RBFOX1: variants seen among roughly 807,000 people sequenced by gnomAD.
RBFOX1 encodes RNA binding fox-1 homolog 1, also known as RNA binding protein fox-1 homolog 1.
A neutral mutation model predicts 57.7 loss-of-function variants in RBFOX1; 8 were observed. That is an observed-to-expected ratio of 0.14 (90% confidence interval 0.08 to 0.25). The LOEUF is 0.25. RBFOX1 is among the 10% of genes least tolerant of loss of function. RBFOX1 has a pLI of 1.00. For synonymous variants in RBFOX1, 326 were observed against 222.4 expected (o/e 1.47, Z -4.15); for missense variants, 611 against 548.5 (o/e 1.11, Z -1.14).
At chr16:5,834,474 A>G (rs576559076) in intron 3 of RBFOX1, among the ~76,000 whole-genome samples, 19 of 152,278 alleles carry the variant, frequency 1.2e-4, no homozygotes, top group African/African-American at 4.3e-4. Flanking sequence ...GCACACATAT[A>G]TACCACATTT....
chr16:7,400,723 C>T (rs535799942), intron 4 of RBFOX1, among the ~76,000 whole-genome samples: 1 of 152,262 alleles, frequency 6.6e-6, no homozygotes, highest in Admixed American at 6.5e-5. Flanking sequence ...CTGCAAAGCA[C>T]AGTGGATGAA....
chr16:5,891,997 G>T (rs936277591), intron 4 of RBFOX1, among the ~76,000 whole-genome samples: 2 of 152,208 alleles, frequency 1.3e-5, no homozygotes, highest in African/African-American at 4.8e-5. Context: ...GGGTATCGGG[G>T]AGAGGGTGAA....
intron 3 of RBFOX1, among the ~76,000 whole-genome samples, chr16:5,845,313 C>A (rs1228827170): frequency 6.6e-6 from 1 of 152,182 alleles, no homozygotes. Flanking sequence ...TTCTTCTGGA[C>A]CAATTACCCA....
chr16:6,934,092 A>C (rs1436397533), intron 3 of RBFOX1, among the ~76,000 whole-genome samples: 3 of 152,106 alleles, frequency 2.0e-5, no homozygotes, highest in Non-Finnish European at 4.4e-5. Context: ...AGCATTTCAG[A>C]GGTAGTTGGC....
At chr16:7,133,721 T>C (rs925001346) in intron 4 of RBFOX1, among the ~76,000 whole-genome samples, 1 of 152,214 alleles carries the variant, frequency 6.6e-6, no homozygotes, top group Non-Finnish European at 1.5e-5. Flanking sequence ...GAGTTCTGCT[T>C]ATAGTTTCTT....
intron 4 of RBFOX1, among the ~76,000 whole-genome samples, chr16:7,385,292 G>A (rs577112667): frequency 2.6e-4 from 40 of 152,350 alleles, no homozygotes; most frequent in African/African-American, 9.1e-4. Context: ...TTAGGAAGCT[G>A]TCTGGGAGTC....
chr16:6,048,725 T>C (rs1339384835), intron 1 of RBFOX1, among the ~76,000 whole-genome samples: 1 of 152,182 alleles, frequency 6.6e-6, no homozygotes, highest in African/African-American at 2.4e-5. Context: ...AGAAGGATAG[T>C]TGCAACAGCT....
intron 3 of RBFOX1, among the ~76,000 whole-genome samples, chr16:6,847,855 T>G (rs1030177982): frequency 7.9e-5 from 12 of 151,960 alleles, no homozygotes; most frequent in African/African-American, 2.9e-4. Flanking sequence ...TGGTTGTTGT[T>G]GAAATGGAGT....
chr16:7,000,586 C>CTTTCTTTTTTT (rs2092691534), intron 3 of RBFOX1, among the ~76,000 whole-genome samples: 1 of 95,846 alleles, frequency 1.0e-5, no homozygotes, highest in East Asian at 4.0e-4. Flanking sequence ...TTTTTTCTTT[C>CTTTCTTTTTTT]TTTTTCTTTC....
intron 2 of RBFOX1, among the ~76,000 whole-genome samples, chr16:6,496,899 G>C (rs1014449512): frequency 6.6e-6 from 1 of 152,144 alleles, no homozygotes; most frequent in Non-Finnish European, 1.5e-5. Context: ...GGTGGAGATT[G>C]TGGTGAGCCG....
intron 2 of RBFOX1, among the ~76,000 whole-genome samples, chr16:6,639,996 C>G (rs2098474244): frequency 6.6e-6 from 1 of 152,196 alleles, no homozygotes; most frequent in East Asian, 1.9e-4. Flanking sequence ...ACACTAACAC[C>G]CATATGATGA....
chr16:7,344,648 C>T (rs149916173), intron 4 of RBFOX1, among the ~76,000 whole-genome samples: 5 of 151,798 alleles, frequency 3.3e-5, no homozygotes, highest in African/African-American at 1.2e-4. Flanking sequence ...GGATTTTTTC[C>T]TAAATAATTT....
chr16:5,538,902 G>C (rs1165010970), intron 2 of RBFOX1, among the ~76,000 whole-genome samples: 7 of 151,834 alleles, frequency 4.6e-5, no homozygotes, highest in Non-Finnish European at 1.0e-4. Flanking sequence ...TTTTGATTCT[G>C]ACACCTTGCA....
At chr16:5,247,710 TG>T in intron 1 of RBFOX1, among the ~76,000 whole-genome samples, 1 of 152,302 alleles carries the variant, frequency 6.6e-6, no homozygotes, top group East Asian at 1.9e-4. Flanking sequence ...ACCTATGGCC[TG>T]CAATGCTGAA....
chr16:6,696,474 G>A (rs1233936068), intron 3 of RBFOX1, among the ~76,000 whole-genome samples: 1 of 152,158 alleles, frequency 6.6e-6, no homozygotes, highest in African/African-American at 2.4e-5. Context: ...TGGAGTCGAT[G>A]TAAATCCAGA....
intron 4 of RBFOX1, among the ~76,000 whole-genome samples, chr16:5,959,170 C>G (rs1023430617): frequency 1.8e-4 from 28 of 152,318 alleles, no homozygotes; most frequent in African/African-American, 6.5e-4. Flanking sequence ...CCAGTGAGCA[C>G]TGATGCTGGC....
At chr16:6,544,150 G>C (rs945072252) in intron 2 of RBFOX1, among the ~76,000 whole-genome samples, 3 of 152,176 alleles carry the variant, frequency 2.0e-5, no homozygotes, top group Non-Finnish European at 4.4e-5. Context: ...ATTGAACCGA[G>C]TAACTTCCAC....
chr16:6,570,437 A>T (rs935167694), intron 2 of RBFOX1, among the ~76,000 whole-genome samples: 1 of 152,194 alleles, frequency 6.6e-6, no homozygotes, highest in Non-Finnish European at 1.5e-5. Flanking sequence ...TCAGCTTAAT[A>T]CTGAGTTAAT....
chr16:6,824,792 A>G (rs150546937), intron 3 of RBFOX1, among the ~76,000 whole-genome samples: 6 of 152,122 alleles, frequency 3.9e-5, no homozygotes, highest in East Asian at 1.9e-4. Context: ...GGAATTAAAT[A>G]TATTTTTAAA....
Sources: allele counts gnomAD v4.1 joint callset (sites outside exome capture counted in the v4.1 genomes callset), GRCh38; gene constraint gnomAD v4.1.1; transcripts MANE v1.5; gene names NCBI Gene and HGNC (gene_info 2026-07-23, HGNC 2026-07-21).